SS18L2: variants seen among roughly 807,000 people sequenced by gnomAD.
SS18L2 encodes the protein SS18-like protein 2.
SS18L2 carries 8 observed loss-of-function variants against 10.3 expected under a neutral mutation model. The ratio of observed to expected loss-of-function variants is 0.78; its 90% CI spans 0.46 to 1.41. The LOEUF (loss-of-function observed/expected upper bound fraction) is 1.41. Ranked by LOEUF, SS18L2 falls within the 40% of genes most tolerant of loss-of-function variation. The pLI is 0.00. For synonymous variants in SS18L2, 41 were observed against 34.6 expected (o/e 1.19, Z -0.65); for missense variants, 100 against 96.2 (o/e 1.04, Z -0.17).
At chr3:42,591,217 T>TTTTTTA (rs58624450) in intron 1 of SS18L2, 1 of 583,150 alleles carries the variant, frequency 1.7e-6, no homozygotes, top group African/African-American at 1.9e-5. Context: ...TTTTTTTTTT[T>TTTTTTA]GAGACGGAGT....
upstream of SS18L2, among the ~76,000 whole-genome samples, chr3:42,587,797 C>A (rs1209631306): frequency 6.6e-6 from 1 of 151,624 alleles, no homozygotes; most frequent in Admixed American, 6.6e-5. Flanking sequence ...TTAGGCCAGG[C>A]TCTGTGGCTC....
At chr3:42,591,193 T>C (rs2125740050) in intron 1 of SS18L2, 1 of 558,824 alleles carries the variant, frequency 1.8e-6, no homozygotes, top group South Asian at 2.2e-5. Context: ...GCACTAACCC[T>C]TTCTCTCCTT....
At chr3:42,592,526 T>C (rs1292215590) in intron 2 of SS18L2, among the ~76,000 whole-genome samples, 1 of 152,180 alleles carries the variant, frequency 6.6e-6, no homozygotes, top group Non-Finnish European at 1.5e-5. Flanking sequence ...TAGAAAAATA[T>C]ATTATTTCAT....
chr3:42,585,545 C>T (rs1382838592), intron 1 of SS18L2, among the ~76,000 whole-genome samples: 2 of 152,214 alleles, frequency 1.3e-5, no homozygotes, highest in Non-Finnish European at 2.9e-5. Flanking sequence ...TGTCCCTCTA[C>T]TTTGTTTTAT....
At chr3:42,591,159 C>A (rs1430159235) in intron 1 of SS18L2, 193 bp downstream of exon 1, 3 of 639,242 alleles carry the variant, frequency 4.7e-6, no homozygotes, top group Non-Finnish European at 5.5e-6. Context: ...GGGGTTCGGT[C>A]CCCCGCCGTC....
rs957468636 is a variant in SS18L2, at chr3:42,596,002, C to CT, written c.*1501dup. Among the ~76,000 whole-genome samples the CT allele has an allele frequency of 2.6e-5, 4 of 151,490 alleles. No homozygotes were observed. The highest frequency in any genetic ancestry group is 4.4e-5 in the Non-Finnish European group (3 of 67,822). On this transcript the variant is annotated 3_prime_UTR_variant, in exon 3 of 3. Coordinates refer to ENST00000011691, the MANE Select transcript of SS18L2 (RefSeq NM_001370300.1). ...TGGCTCTTTCTTTTTTCTTTTTCTT[C>CT]TTTTTTTTGGTTTTGTTTTGTTTTG...
rs1705023676 is a variant in SS18L2 at position 42,596,174 on chromosome 3, AC to A, written c.*1667del. Among the ~76,000 whole-genome samples the A allele has an allele frequency of 6.6e-6, 1 of 151,954 alleles. No individual in the cohort carries two copies. Among genetic ancestry groups the A allele is most frequent in the South Asian group, 2.1e-4 (1 of 4,828 alleles). On this transcript the variant is annotated 3_prime_UTR_variant, in exon 3 of 3. Transcript: ENST00000011691. ...GTAGCTGGGATTACAGGCATGTGGC[AC>A]CATGCCTGGCTAATTTTGGTATTTT...
chr3:42,586,963 C>T (rs866463714), upstream of SS18L2, among the ~76,000 whole-genome samples: 15 of 152,214 alleles, frequency 9.9e-5, no homozygotes, highest in Admixed American at 2.0e-4. Flanking sequence ...GTTGCTTAAC[C>T]CAGAACCCCA....
intron 1 of SS18L2, among the ~76,000 whole-genome samples, chr3:42,584,078 A>G (rs1375320587): frequency 6.6e-6 from 1 of 152,174 alleles, no homozygotes; most frequent in African/African-American, 2.4e-5. Flanking sequence ...CTCAGCCTCC[A>G]TAACTATGTG....
upstream of SS18L2, among the ~76,000 whole-genome samples, chr3:42,586,672 C>T (rs1704622162): frequency 6.6e-6 from 1 of 151,950 alleles, no homozygotes; most frequent in African/African-American, 2.4e-5. Context: ...GTCTCCATTG[C>T]AGCTTCTTTT....
At chr3:42,588,226 A>AC (rs377497895), upstream of SS18L2, among the ~76,000 whole-genome samples, 1 of 151,426 alleles carries the variant, frequency 6.6e-6, no homozygotes, top group South Asian at 2.1e-4. Flanking sequence ...ACATAGAGAA[A>AC]CCCCATCTCT....
At chr3:42,588,297 C>T (rs553703804), upstream of SS18L2, among the ~76,000 whole-genome samples, 23 of 142,760 alleles carry the variant, frequency 1.6e-4, no homozygotes, top group Non-Finnish European at 3.1e-4. Context: ...CCAGACTACT[C>T]GGGAGGCTGA....
intron 2 of SS18L2, among the ~76,000 whole-genome samples, chr3:42,594,204 T>C (rs1208306548): frequency 1.3e-5 from 2 of 152,224 alleles, no homozygotes; most frequent in East Asian, 3.8e-4. Context: ...CTGCAATAGT[T>C]CAAGCAAGAA....
chr3:42,591,234 C>A (rs1228963845), intron 1 of SS18L2: 5 of 574,312 alleles, frequency 8.7e-6, no homozygotes, highest in Non-Finnish European at 1.2e-5. Context: ...GAGTCCCGCT[C>A]TGTCGCCCAG....
intron 1 of SS18L2, chr3:42,582,287 G>C (rs1346452667): frequency 3.3e-5 from 5 of 152,322 alleles, no homozygotes; most frequent in African/African-American, 9.6e-5. Context: ...GGTAGCAACC[G>C]GACTGACGTC....
upstream of SS18L2, chr3:42,587,292 A>T (rs1236635005): frequency 6.6e-6 from 1 of 152,300 alleles, no homozygotes; most frequent in Admixed American, 6.5e-5. Context: ...CTTAACCTCC[A>T]CTTTGCCTTT....
chr3:42,583,587 G>A (rs1278547073), intron 1 of SS18L2, among the ~76,000 whole-genome samples: 1 of 152,172 alleles, frequency 6.6e-6, no homozygotes, highest in Non-Finnish European at 1.5e-5. Flanking sequence ...AACCTGACTA[G>A]GTTAAGGGAT....
At chr3:42,589,035 C>T (rs1167195947), upstream of SS18L2, among the ~76,000 whole-genome samples, 2 of 151,820 alleles carry the variant, frequency 1.3e-5, no homozygotes, top group African/African-American at 4.8e-5. Flanking sequence ...GAGGCCGAAG[C>T]GGGCGGATCA....
rs1704992750 is a variant in SS18L2 at position 42,595,164 on chromosome 3, G to GT, written c.*658dup. The GT allele has an allele frequency of 2.0e-5, 3 of 152,160 alleles. No homozygotes were observed. In the South Asian group the frequency reaches 6.2e-4, roughly 32 times the overall value. 9.4% of individuals were successfully genotyped at this position (152,160 alleles called of 1,614,324 possible). A position where few individuals can be genotyped will look rare whatever the true frequency, so the allele number is the denominator to read the frequency against. ...CTAATATCATCTGATAATAGATGAT[G>GT]TTTAATTTTCTTCAGTTATCAGATA... On this transcript the variant is annotated 3_prime_UTR_variant, in exon 3 of 3. Coordinates refer to ENST00000011691, the MANE Select transcript of SS18L2 (RefSeq NM_001370300.1).
Sources: allele counts gnomAD v4.1 joint callset (sites outside exome capture counted in the v4.1 genomes callset), GRCh38; gene constraint gnomAD v4.1.1; transcripts MANE v1.5; gene names NCBI Gene and HGNC (gene_info 2026-07-23, HGNC 2026-07-21).